Variants in TBC1D32 observed in about 807,000 individuals in gnomAD.
TBC1D32 encodes the protein protein broad-minded.
In TBC1D32, 151 loss-of-function variants were observed where a neutral mutation model predicts 170.3. That is an observed-to-expected ratio of 0.89 (90% CI 0.78 to 1.01). The LOEUF (loss-of-function observed/expected upper bound fraction) is 1.01, where lower values mean the gene tolerates loss of function less well. TBC1D32 is among the 50% of genes least tolerant of loss of function. The pLI is 0.00. For synonymous variants in TBC1D32, 498 were observed against 488.0 expected, an observed-to-expected ratio of 1.02 and a Z score of -0.27; for missense variants, 1,464 against 1,457.1, an observed-to-expected ratio of 1.00 and a Z score of -0.08.
At chr6:121,105,885 TG>T in intron 30 of TBC1D32, 137 bp downstream of exon 30, 1 of 972,124 alleles carries the variant, frequency 1.0e-6, no homozygotes, top group Non-Finnish European at 1.4e-6. Flanking sequence ...ATAACAGGCC[TG>T]GGGAGAAAAG....
intron 30 of TBC1D32, among the ~76,000 whole-genome samples, chr6:121,104,762 A>G (rs1305599885): frequency 6.6e-6 from 1 of 151,776 alleles, no homozygotes; most frequent in African/African-American, 2.4e-5. Flanking sequence ...GTTTTACTAG[A>G]TATGATACAG....
intron 22 of TBC1D32, among the ~76,000 whole-genome samples, chr6:121,203,287 T>C (rs1048232589): frequency 6.6e-6 from 1 of 151,404 alleles, no homozygotes; most frequent in African/African-American, 2.5e-5. Flanking sequence ...AAGATTATTA[T>C]GAATAGAAAT....
At chr6:121,212,159 C>G (rs535816322) in intron 21 of TBC1D32, among the ~76,000 whole-genome samples, 2 of 151,978 alleles carry the variant, frequency 1.3e-5, no homozygotes, top group African/African-American at 4.8e-5. Context: ...TATGCCCCCC[C>G]AAGACTGAAC....
intron 22 of TBC1D32, among the ~76,000 whole-genome samples, chr6:121,185,375 A>G (rs147630124): frequency 6.6e-6 from 1 of 152,246 alleles, no homozygotes; most frequent in African/African-American, 2.4e-5. Context: ...ATTTAAACTT[A>G]TCTTACAAAT....
Position 121,113,034 on chromosome 6 carries a change from C to CT in TBC1D32, c.3169+27dup, listed in dbSNP as rs1412996332. Reference sequence around the variant, plus strand: ...TGAAAAATATGTGAAAAAAATTAAGCTATTGTGAATATACTCAAAAAGGAT... The same window carrying CT: ...TGAAAAATATGTGAAAAAAATTAAGCTTATTGTGAATATACTCAAAAAGGAT... On this transcript the variant is annotated intron_variant, in intron 28 of 31. Transcript: ENST00000398212. 4 of 1,495,436 alleles carry CT rather than the reference C, an allele frequency of 2.7e-6. No individual in the cohort carries two copies. In the Admixed American group the frequency reaches 8.1e-5, roughly 30 times the overall value. The allele number at this position is 1,495,436 out of a possible 1,614,324, so 92.6% of individuals were successfully genotyped here. A position where few individuals can be genotyped will look rare whatever the true frequency, so the allele number is the denominator to read the frequency against.
intron 9 of TBC1D32, among the ~76,000 whole-genome samples, 193 bp from the exon 10 acceptor site, chr6:121,299,698 C>CA (rs533697175): frequency 1.2e-3 from 176 of 152,082 alleles, no homozygotes; most frequent in African/African-American, 4.2e-3. Context: ...CAAATCGTAT[C>CA]AAAAAACTTG....
At chr6:121,154,310 G>A (rs898421179) in intron 24 of TBC1D32, among the ~76,000 whole-genome samples, 8 of 152,196 alleles carry the variant, frequency 5.3e-5, no homozygotes, top group Non-Finnish European at 8.8e-5. Flanking sequence ...TTCACCCTCC[G>A]TGGGCTTCAC....
chr6:121,236,071 C>T (rs1796293436), intron 20 of TBC1D32, among the ~76,000 whole-genome samples: 2 of 150,212 alleles, frequency 1.3e-5, no homozygotes, highest in African/African-American at 4.9e-5. Flanking sequence ...CATCCATTTC[C>T]TGTTCTTTTA....
At chr6:121,214,991 G>T (rs896959210) in intron 21 of TBC1D32, among the ~76,000 whole-genome samples, 2 of 152,186 alleles carry the variant, frequency 1.3e-5, no homozygotes, top group Non-Finnish European at 2.9e-5. Context: ...GCTGAGAGAA[G>T]ACCCACAATG....
chr6:121,303,623 CT>C lies in TBC1D32; in HGVS notation c.1073del (p.Lys358SerfsTer13). 2.6e-6 allele frequency: 4 copies of C among 1,546,060 alleles called. No homozygotes were observed. Among genetic ancestry groups the C allele is most frequent in the African/African-American group, 1.4e-5 (1 of 73,560 alleles). ...LVDTKAVWFK[K>X]WMHAHYSRTT... ...ATATTCTATTTTTCCTTACCATCCA[CT>C]TTTTGAACCACACAGCCTTGGTATC... On this transcript the variant is annotated frameshift_variant, in exon 9 of 32. Transcript: ENST00000398212. LOFTEE classifies it high-confidence loss of function.
At chr6:121,149,632 C>T (rs111498788) in intron 24 of TBC1D32, among the ~76,000 whole-genome samples, 5,925 of 152,154 alleles carry the variant, frequency 0.039, 336 homozygotes, top group African/African-American at 0.12. Context: ...GTTTTGGTAC[C>T]AGTACCATGC....
intron 30 of TBC1D32, among the ~76,000 whole-genome samples, chr6:121,098,891 A>G (rs2128184187): frequency 6.6e-6 from 1 of 152,048 alleles, no homozygotes; most frequent in Non-Finnish European, 1.5e-5. Flanking sequence ...AAGGCGCAAC[A>G]TCCAAAACAT....
At chr6:121,148,777 C>A (rs1314054100) in intron 24 of TBC1D32, among the ~76,000 whole-genome samples, 1 of 152,204 alleles carries the variant, frequency 6.6e-6, no homozygotes, top group African/African-American at 2.4e-5. Context: ...CCATGCCCAG[C>A]GAATGTTTGG....
chr6:121,093,714 T>A (rs972265257), intron 30 of TBC1D32, among the ~76,000 whole-genome samples: 1 of 152,174 alleles, frequency 6.6e-6, no homozygotes, highest in African/African-American at 2.4e-5. Context: ...GGCATGTATA[T>A]ACATTCAAGC....
At chr6:121,327,057 T>C (rs1810553580) in intron 1 of TBC1D32, among the ~76,000 whole-genome samples, 1 of 152,136 alleles carries the variant, frequency 6.6e-6, no homozygotes, top group African/African-American at 2.4e-5. Flanking sequence ...TGCTATTCTA[T>C]AATGGTGCCC....
intron 22 of TBC1D32, among the ~76,000 whole-genome samples, chr6:121,195,884 G>T (rs557369814): frequency 6.6e-6 from 1 of 152,226 alleles, no homozygotes; most frequent in South Asian, 2.1e-4. Context: ...AGTGCACCAG[G>T]TTGTGCACTT....
chr6:121,245,607 C>T (rs1246665489), intron 17 of TBC1D32, among the ~76,000 whole-genome samples: 2 of 152,112 alleles, frequency 1.3e-5, no homozygotes, highest in South Asian at 4.2e-4. Flanking sequence ...GATCCTTGGT[C>T]CCCCCGGTAC....
At chr6:121,311,405 A>G (rs577651127) in intron 3 of TBC1D32, among the ~76,000 whole-genome samples, 84 of 152,326 alleles carry the variant, frequency 5.5e-4, no homozygotes, top group Non-Finnish European at 9.6e-4. Flanking sequence ...TTAAACATGT[A>G]TAATATCTAA....
chr6:121,293,557 A>G (rs770983249), intron 11 of TBC1D32, among the ~76,000 whole-genome samples: 7 of 152,216 alleles, frequency 4.6e-5, no homozygotes, highest in Non-Finnish European at 7.3e-5. Flanking sequence ...CACATGGCCA[A>G]TTGTGTGATA....
Sources: gnomAD v4.1 joint callset for allele counts (sites outside exome capture counted in the v4.1 genomes callset) on GRCh38, gnomAD v4.1.1 for gene constraint, MANE v1.5 for transcripts, NCBI Gene and HGNC (gene_info 2026-07-23, HGNC 2026-07-21) for gene names.